The following TRAPPC8 variants were observed in gnomAD, a reference collection of about 807,000 sequenced individuals.
TRAPPC8 encodes the protein trafficking protein particle complex subunit 8.
TRAPPC8 carries 54 observed loss-of-function variants against 174.3 expected under a neutral mutation model. That is an observed-to-expected ratio of 0.31 (90% CI 0.25 to 0.39). The LOEUF is 0.39. TRAPPC8 is among the 10% of genes least tolerant of loss of function. TRAPPC8 has a pLI of 1.00. For synonymous variants in TRAPPC8, 630 were observed against 579.9 expected (o/e 1.09, Z -1.24); for missense variants, 1,531 against 1,699.1 (o/e 0.90, Z 1.74).
At chr18:31,864,419 G>A (rs898149371) in intron 19 of TRAPPC8, among the ~76,000 whole-genome samples, 1 of 151,790 alleles carries the variant, frequency 6.6e-6, no homozygotes, top group African/African-American at 2.4e-5. Context: ...ATATTTTGAG[G>A]GTTATATTTT....
chr18:31,908,650 A>G (rs2036768633), intron 7 of TRAPPC8, 104 bp downstream of exon 7: 2 of 1,255,566 alleles, frequency 1.6e-6, no homozygotes, highest in Non-Finnish European at 1.1e-6. Flanking sequence ...ATATTGGCCT[A>G]TCTTAAAACG....
intron 24 of TRAPPC8, among the ~76,000 whole-genome samples, chr18:31,851,751 A>C (rs2033714904): frequency 6.6e-6 from 1 of 152,046 alleles, no homozygotes; most frequent in South Asian, 2.1e-4. Flanking sequence ...TATCTACCTT[A>C]TTATCTGGGT....
intron 12 of TRAPPC8, among the ~76,000 whole-genome samples, chr18:31,887,447 C>G (rs1383639410): frequency 6.6e-6 from 1 of 152,106 alleles, no homozygotes; most frequent in Admixed American, 6.5e-5. Flanking sequence ...GAGTTCAAGA[C>G]CAGCCTGGCC....
intron 4 of TRAPPC8, among the ~76,000 whole-genome samples, chr18:31,914,288 A>G (rs77385843): frequency 0.046 from 6,943 of 152,306 alleles, 208 homozygotes; most frequent in Middle Eastern, 0.11. Flanking sequence ...TGGATAAGTA[A>G]AATAGTTATA....
At chr18:31,868,710 T>C (rs967651862) in intron 16 of TRAPPC8, among the ~76,000 whole-genome samples, 25 of 152,282 alleles carry the variant, frequency 1.6e-4, no homozygotes, top group Admixed American at 1.4e-3. Flanking sequence ...ACTTGTTTTG[T>C]GGTTTTTTTT....
chr18:31,842,452 C>T (rs142852006), intron 26 of TRAPPC8, among the ~76,000 whole-genome samples: 1 of 152,286 alleles, frequency 6.6e-6, no homozygotes, highest in African/African-American at 2.4e-5. Context: ...ACATAAATGT[C>T]GACTGGCATC....
chr18:31,862,490 C>T (rs921381858), intron 19 of TRAPPC8, among the ~76,000 whole-genome samples: 4 of 151,988 alleles, frequency 2.6e-5, no homozygotes, highest in Non-Finnish European at 5.9e-5. Flanking sequence ...TAATGAGTTG[C>T]CCACATTCTA....
At position 31,863,718 on chromosome 18, in the gene TRAPPC8, A is replaced by G. The variant is rs900913008; in HGVS notation, c.2745+909T>C. 5.8e-4 allele frequency among the ~76,000 whole-genome samples: 88 copies of G among 152,210 alleles called. 1 individual carries two copies. The highest frequency in any genetic ancestry group is 2.6e-4 in the Non-Finnish European group (18 of 67,998). On this transcript the variant is annotated intron_variant, in intron 19 of 28. Coordinates refer to ENST00000283351, the MANE Select transcript of TRAPPC8 (RefSeq NM_014939.5). ...AACCCCCTACTAGAATAACTTGAGG[A>G]TGTGGGAGGAAGGGCCTTTTTCACC...
At chr18:31,867,941 G>C (rs2034668587) in intron 16 of TRAPPC8, among the ~76,000 whole-genome samples, 1 of 151,896 alleles carries the variant, frequency 6.6e-6, no homozygotes, top group African/African-American at 2.4e-5. Context: ...AAAATACCTA[G>C]CTGCTCATAG....
intron 16 of TRAPPC8, among the ~76,000 whole-genome samples, chr18:31,867,988 CAAT>C (rs2034670695): frequency 6.6e-6 from 1 of 152,078 alleles, no homozygotes; most frequent in Admixed American, 6.5e-5. Context: ...TTTAATCTTA[CAAT>C]AATAGCAAAT....
At chr18:31,883,256 G>A (rs2035548102) in intron 12 of TRAPPC8, 1 of 148,172 alleles carries the variant, frequency 6.7e-6, no homozygotes, top group Admixed American at 6.8e-5. Context: ...GAGAGGTACA[G>A]ACCACCTCTC....
At position 31,873,453 on chromosome 18, in the gene TRAPPC8, C is replaced by A; in HGVS notation, c.2039G>T (p.Gly680Val). The change falls in exon 14 of 29, where the codon GGC becomes GTC. Residue 680 changes from glycine to valine, a missense_variant. Transcript: ENST00000283351. ...INSSATRVFF[G>V]HDRRPADGEK... ...ACCATCCGCTGGTCGTCTGTCATGGCCAAAAAAAACCCGTGTTGCTGAACT... is the reference window on the plus strand; with the variant it reads ...ACCATCCGCTGGTCGTCTGTCATGGACAAAAAAAACCCGTGTTGCTGAACT... 6.2e-7 allele frequency: 1 copy of A among 1,612,110 alleles called. No individual in the cohort carries two copies. The highest frequency in any genetic ancestry group is 8.5e-7 in the Non-Finnish European group (1 of 1,179,016).
chr18:31,941,350 G>A (rs1479078746), intron 1 of TRAPPC8, among the ~76,000 whole-genome samples: 1 of 152,210 alleles, frequency 6.6e-6, no homozygotes, highest in Non-Finnish European at 1.5e-5. Context: ...GGCTGAGGCA[G>A]GAGAATCGCT....
rs569453655 is a variant in TRAPPC8 at position 31,933,068 on chromosome 18, A to G, written c.158-1545T>C. Among the ~76,000 whole-genome samples the G allele has an allele frequency of 1.6e-3, 234 of 149,336 alleles. 2 individuals are homozygous for G. The highest frequency in any genetic ancestry group is 2.6e-3 in the Non-Finnish European group (177 of 67,598). On this transcript the variant is annotated intron_variant, in intron 1 of 28. Coordinates refer to ENST00000283351, the MANE Select transcript of TRAPPC8 (RefSeq NM_014939.5). ...TGTAATCCCAGCACTTTGGGAGGCC[A>G]AGGCGGGCAGATCACGAGGTCAGGA... is the stretch of plus-strand genomic sequence containing the variant.
At chr18:31,849,428 T>A (rs1019832894) in intron 25 of TRAPPC8, 138 bp downstream of exon 25, 8 of 740,794 alleles carry the variant, frequency 1.1e-5, no homozygotes, top group African/African-American at 1.8e-5. Context: ...CAAAAAAAAA[T>A]ATGTAACTGT....
intron 12 of TRAPPC8, among the ~76,000 whole-genome samples, chr18:31,878,535 C>T (rs1386181753): frequency 6.6e-6 from 1 of 152,112 alleles, no homozygotes; most frequent in Non-Finnish European, 1.5e-5. Context: ...AAGGATGATA[C>T]CTGCTAACCA....
chr18:31,862,084 A>G (rs2034358022), intron 19 of TRAPPC8, among the ~76,000 whole-genome samples: 1 of 152,172 alleles, frequency 6.6e-6, no homozygotes, highest in Non-Finnish European at 1.5e-5. Flanking sequence ...GCTCTAACAA[A>G]TTTTTAGAAA....
At chr18:31,881,789 G>C (rs2035468018) in intron 12 of TRAPPC8, among the ~76,000 whole-genome samples, 1 of 150,840 alleles carries the variant, frequency 6.6e-6, no homozygotes, top group Non-Finnish European at 1.5e-5. Flanking sequence ...CTTAAATCAA[G>C]AAAAAAAATC....
Position 31,873,416 on chromosome 18 carries a change from A to G in TRAPPC8, c.2062+14T>C. On this transcript the variant is annotated intron_variant, in intron 14 of 28. Coordinates refer to ENST00000283351, the MANE Select transcript of TRAPPC8 (RefSeq NM_014939.5). The stretch of plus-strand genomic sequence containing the variant: ...TTGTCATTAGGTAATTAGGCTAAAT[A>G]AAACTTTACTAACCATCCGCTGGTC... The G allele has an allele frequency of 6.3e-7, 1 of 1,598,352 alleles. No individual in the cohort carries two copies. Among genetic ancestry groups the G allele is most frequent in the Non-Finnish European group, 8.5e-7 (1 of 1,170,166 alleles).
Sources: gnomAD v4.1 joint callset for allele counts (sites outside exome capture counted in the v4.1 genomes callset) on GRCh38, gnomAD v4.1.1 for gene constraint, MANE v1.5 for transcripts, NCBI Gene and HGNC (gene_info 2026-07-23, HGNC 2026-07-21) for gene names.